The following LRRC36 variants were observed in gnomAD, a reference collection of about 807,000 sequenced individuals.
LRRC36 encodes the protein leucine-rich repeat-containing protein 36.
LRRC36 carries 62 observed loss-of-function variants against 81.1 expected under a neutral mutation model. The ratio of observed to expected loss-of-function variants is 0.76; its 90% CI spans 0.62 to 0.94. The LOEUF (loss-of-function observed/expected upper bound fraction) is 0.94. LRRC36 is among the 40% of genes least tolerant of loss of function. LRRC36 has a pLI of 0.00. For missense variants in LRRC36, 761 were observed against 881.7 expected, an observed-to-expected ratio of 0.86 and a Z score of 1.73; for synonymous variants, 334 against 348.6, an observed-to-expected ratio of 0.96 and a Z score of 0.47.
intron 1 of LRRC36, among the ~76,000 whole-genome samples, chr16:67,341,570 T>G (rs2038084075): frequency 6.6e-6 from 1 of 152,054 alleles, no homozygotes. Context: ...TTTTTAATTT[T>G]TTTTACTATC....
intron 6 of LRRC36, 126 bp from the exon 7 acceptor site, chr16:67,365,178 T>C (rs1288389988): frequency 3.2e-6 from 2 of 621,638 alleles, no homozygotes; most frequent in Non-Finnish European, 5.8e-6. Flanking sequence ...CTTAAAGGTC[T>C]GTTTCCCTAG....
intron 8 of LRRC36, among the ~76,000 whole-genome samples, chr16:67,368,351 G>A (rs1051983021): frequency 3.3e-5 from 5 of 152,180 alleles, no homozygotes; most frequent in East Asian, 1.9e-4. Context: ...GGCATAGAGC[G>A]TGATAAGGAG....
chr16:67,383,942 G>A (rs2040201833), intron 13 of LRRC36, among the ~76,000 whole-genome samples: 1 of 152,194 alleles, frequency 6.6e-6, no homozygotes, highest in South Asian at 2.1e-4. Flanking sequence ...TGCATTCATA[G>A]TGGTGTATAG....
chr16:67,331,018 G>T (rs1048079881), intron 1 of LRRC36, among the ~76,000 whole-genome samples: 4 of 151,414 alleles, frequency 2.6e-5, no homozygotes, highest in Admixed American at 2.6e-4. Context: ...TCTGGTGAGG[G>T]TCATTCCATG....
intron 6 of LRRC36, among the ~76,000 whole-genome samples, chr16:67,364,922 A>G (rs2039315072): frequency 6.6e-6 from 1 of 152,140 alleles, no homozygotes; most frequent in South Asian, 2.1e-4. Flanking sequence ...ATTAATTTTC[A>G]GCCTATTAAA....
chr16:67,344,746 A>AAAC (rs1315157654), intron 2 of LRRC36, among the ~76,000 whole-genome samples: 1 of 152,212 alleles, frequency 6.6e-6, no homozygotes, highest in Non-Finnish European at 1.5e-5. Context: ...GAATTGGAGA[A>AAAC]AACAACAACA....
intron 1 of LRRC36, among the ~76,000 whole-genome samples, chr16:67,335,708 A>G (rs1280223520): frequency 2.0e-5 from 3 of 150,530 alleles, no homozygotes; most frequent in Non-Finnish European, 4.4e-5. Flanking sequence ...GGGGTCCCTG[A>G]CTTCCCGCAA....
intron 1 of LRRC36, among the ~76,000 whole-genome samples, chr16:67,339,216 A>G (rs1244549497): frequency 6.6e-6 from 1 of 151,052 alleles, no homozygotes; most frequent in Non-Finnish European, 1.5e-5. Context: ...TCAAGGTGCC[A>G]GTAGCTTTTG....
At chr16:67,349,707 C>T (rs2038523651) in intron 4 of LRRC36, among the ~76,000 whole-genome samples, 1 of 152,084 alleles carries the variant, frequency 6.6e-6, no homozygotes, top group Admixed American at 6.6e-5. Context: ...CTCATATTTC[C>T]CAGTATAAAT....
intron 13 of LRRC36, among the ~76,000 whole-genome samples, chr16:67,384,217 T>C (rs1333190976): frequency 6.6e-6 from 1 of 152,108 alleles, no homozygotes; most frequent in Non-Finnish European, 1.5e-5. Flanking sequence ...GGTGGATCAC[T>C]TGAGGTCAGG....
chr16:67,368,354 A>G (rs2039493001), intron 8 of LRRC36, among the ~76,000 whole-genome samples: 1 of 152,194 alleles, frequency 6.6e-6, no homozygotes, highest in South Asian at 2.1e-4. Context: ...ATAGAGCGTG[A>G]TAAGGAGGAG....
intron 6 of LRRC36, among the ~76,000 whole-genome samples, chr16:67,364,885 T>G (rs1421434716): frequency 2.0e-5 from 3 of 152,218 alleles, no homozygotes; most frequent in Admixed American, 1.3e-4. Context: ...TCTGTTTTCC[T>G]TCAGTCCTTG....
intron 7 of LRRC36, 125 bp from the exon 8 acceptor site, chr16:67,366,892 T>G (rs2039420805): frequency 2.8e-6 from 2 of 720,444 alleles, no homozygotes; most frequent in African/African-American, 1.8e-5. Flanking sequence ...ATCAGAATTA[T>G]AAACCACCTC....
chr16:67,372,643 T>C (rs1302110667), intron 9 of LRRC36, among the ~76,000 whole-genome samples: 2 of 152,192 alleles, frequency 1.3e-5, no homozygotes, highest in Non-Finnish European at 2.9e-5. Flanking sequence ...ATTTGTCAAT[T>C]AATAATTTAC....
intron 1 of LRRC36, among the ~76,000 whole-genome samples, chr16:67,333,847 C>T (rs1016074274): frequency 2.6e-5 from 4 of 152,046 alleles, no homozygotes; most frequent in Non-Finnish European, 5.9e-5. Context: ...TTGCACCTCT[C>T]CCCACCCACC....
chr16:67,335,389 A>G (rs960346547), intron 1 of LRRC36, among the ~76,000 whole-genome samples: 3 of 152,208 alleles, frequency 2.0e-5, no homozygotes, highest in Non-Finnish European at 2.9e-5. Flanking sequence ...CTCACCGGCA[A>G]TCAGAGTTTA....
At chr16:67,341,271 TAGCC>T (rs1469491398) in intron 1 of LRRC36, among the ~76,000 whole-genome samples, 1 of 139,126 alleles carries the variant, frequency 7.2e-6, no homozygotes, top group Non-Finnish European at 1.5e-5. Context: ...ATATATACTA[TAGCC>T]TATCTATAGT....
chr16:67,378,835 G>T, intron 12 of LRRC36, 123 bp downstream of exon 12: 1 of 1,045,266 alleles, frequency 9.6e-7, no homozygotes, highest in Non-Finnish European at 1.4e-6. Flanking sequence ...TTGGTCATCA[G>T]TTTTCCTGGC....
rs763963672 is a variant in LRRC36, at chr16:67,326,887, G to A, written c.25G>A (p.Glu9Lys). 6.8e-7 allele frequency: 1 copy of A among 1,464,582 alleles called. No individual in the cohort carries two copies. The highest frequency in any genetic ancestry group is 8.9e-7 in the Non-Finnish European group (1 of 1,119,676). 90.7% of individuals were successfully genotyped at this position (1,464,582 alleles called of 1,614,324 possible). The part of the protein sequence containing the change: MAEQWELD[E>K]EGIRRLGALT... Reference sequence around the variant, plus strand: ...GATGGCGGAGCAATGGGAGCTGGACGAGGAAGGCATTCGCCGCCTGGGGGC... The same window carrying A: ...GATGGCGGAGCAATGGGAGCTGGACAAGGAAGGCATTCGCCGCCTGGGGGC... Residue 9 changes from glutamate to lysine, a missense_variant, in exon 1 of 14, where the codon GAG (glutamate) becomes AAG (lysine). By Grantham distance (56) the Glu-to-Lys change is moderately conservative. Transcript: ENST00000329956.
Sources: gnomAD v4.1 joint callset for allele counts (sites outside exome capture counted in the v4.1 genomes callset) on GRCh38, gnomAD v4.1.1 for gene constraint, MANE v1.5 for transcripts, NCBI Gene and HGNC (gene_info 2026-07-23, HGNC 2026-07-21) for gene names.